LMBR1L: variants seen among roughly 807,000 people sequenced by gnomAD.
LMBR1L encodes protein LMBR1L.
LMBR1L carries 47 observed loss-of-function variants against 67.3 expected under a neutral mutation model. That is an observed-to-expected ratio of 0.70 (90% CI 0.55 to 0.89). The LOEUF is 0.89. Ranked by LOEUF, LMBR1L falls within the 40% of genes least tolerant of loss-of-function variation. The probability of loss-of-function intolerance (pLI) is 0.00; values close to 1 mark genes in which losing one functional copy is unlikely to be tolerated. For missense variants in LMBR1L, 533 were observed against 599.2 expected (o/e 0.89, Z 1.15); for synonymous variants, 247 against 250.3 (o/e 0.99, Z 0.13).
At chr12:49,101,893 GC>G in intron 11 of LMBR1L, 2 of 589,628 alleles carry the variant, frequency 3.4e-6, no homozygotes, top group Non-Finnish European at 3.0e-6. Context: ...CTCCTCACTG[GC>G]CCTGTGTCTT....
intron 15 of LMBR1L, among the ~76,000 whole-genome samples, chr12:49,100,006 C>G (rs1939927249): frequency 6.6e-6 from 1 of 152,174 alleles, no homozygotes; most frequent in African/African-American, 2.4e-5. Flanking sequence ...GACAAGGGTC[C>G]TAGACTGACT....
chr12:49,101,947 G>A (rs1310504353), intron 11 of LMBR1L, 173 bp downstream of exon 11: 3 of 613,434 alleles, frequency 4.9e-6, no homozygotes, highest in East Asian at 2.8e-5. Context: ...ACAAAATGGG[G>A]ATTGATGTGC....
At chr12:49,109,555 C>G (rs1211647720) in intron 1 of LMBR1L, among the ~76,000 whole-genome samples, 1 of 152,224 alleles carries the variant, frequency 6.6e-6, no homozygotes, top group Admixed American at 6.5e-5. Flanking sequence ...GATTCCCACA[C>G]TTACTAACAT....
chr12:49,102,827 T>C (rs1940380500), intron 8 of LMBR1L, 60 bp downstream of exon 8: 32 of 1,485,420 alleles, frequency 2.2e-5, no homozygotes, highest in Non-Finnish European at 3.0e-5. Flanking sequence ...TTTCATTGTT[T>C]GGTTCCAGCT....
chr12:49,103,558 C>T, intron 6 of LMBR1L, 129 bp downstream of exon 6: 1 of 1,145,092 alleles, frequency 8.7e-7, no homozygotes, highest in Non-Finnish European at 1.2e-6. Context: ...AGATGTCTAT[C>T]AGTTTGAAAC....
rs1565584440 is a variant in LMBR1L at position 49,100,429 on chromosome 12, A to G, written c.1199T>C (p.Leu400Pro). ...TQIIGNCVCL[L>P]VLSSALPVFS... ...GACAGGAAGTGCTGAGCTTAGGACCAGGAGACAGACACAGTTCCCAATTAT... is the reference window on the plus strand; with the variant it reads ...GACAGGAAGTGCTGAGCTTAGGACCGGGAGACAGACACAGTTCCCAATTAT... Residue 400 changes from leucine (L) to proline (P), a missense_variant, in exon 15 of 17, where the codon CTG (leucine) becomes CCG (proline). Around this residue, in one of 3 missense-constraint regions of LMBR1L, gnomAD observed 223 missense variants for 241.2 expected, o/e 0.92. Transcript: ENST00000267102. The G allele has an allele frequency of 1.9e-6, 3 of 1,614,102 alleles. No homozygotes were observed. The highest frequency in any genetic ancestry group is 3.3e-5 in the Admixed American group (2 of 60,030).
At chr12:49,101,824 T>C (rs920857874) in intron 11 of LMBR1L, 1 of 579,354 alleles carries the variant, frequency 1.7e-6, no homozygotes, top group Non-Finnish European at 3.1e-6. Context: ...ACTGAGTCCA[T>C]AGGGGAATCG....
intron 15 of LMBR1L, among the ~76,000 whole-genome samples, 176 bp from the exon 16 acceptor site, chr12:49,098,281 G>C (rs1034378218): frequency 6.6e-6 from 1 of 152,234 alleles, no homozygotes; most frequent in African/African-American, 2.4e-5. Context: ...CTAAGTGCCA[G>C]CAGCTAGGCT....
At chr12:49,097,920 G>A in intron 16 of LMBR1L, 24 bp downstream of exon 16, 1 of 1,603,930 alleles carries the variant, frequency 6.2e-7, no homozygotes, top group Non-Finnish European at 8.5e-7. Context: ...CCCCCCACTA[G>A]CCTGCACCCT....
chr12:49,109,364 A>G (rs1941284027), intron 1 of LMBR1L, among the ~76,000 whole-genome samples: 1 of 152,074 alleles, frequency 6.6e-6, no homozygotes, highest in African/African-American at 2.4e-5. Flanking sequence ...ACACACAAGG[A>G]AGGCTTGCCG....
In LMBR1L at chr12:49,110,719, G is replaced by C. The variant is rs933177963; in HGVS notation, c.-164C>G. The C allele has an allele frequency of 1.6e-6, 1 of 632,206 alleles. No individual in the cohort carries two copies. Among genetic ancestry groups the C allele is most frequent in the Non-Finnish European group, 2.8e-6 (1 of 353,024 alleles). 39.2% of individuals were successfully genotyped at this position (632,206 alleles called of 1,614,324 possible). A position where few individuals can be genotyped will look rare whatever the true frequency, so the allele number is the denominator to read the frequency against. On this transcript the variant is annotated 5_prime_UTR_variant, in exon 1 of 17. Transcript: ENST00000267102. ...GGGGCTCAGATACAGTCGTCCGGAC[G>C]CCCCGCCCTTAAAGGGGCAGGCACC...
At chr12:49,102,416 G>A (rs748093057) in intron 9 of LMBR1L, 40 bp from the exon 10 acceptor site, 1 of 1,613,700 alleles carries the variant, frequency 6.2e-7, no homozygotes, top group South Asian at 1.1e-5. Context: ...AAGTCCTGCA[G>A]TTTCTGCCCA....
intron 5 of LMBR1L, 31 bp downstream of exon 5, chr12:49,104,417 T>C (rs746624193): frequency 8.3e-6 from 12 of 1,448,062 alleles, no homozygotes; most frequent in Admixed American, 1.7e-5. Flanking sequence ...TGGAATTCCG[T>C]TTCCTGCCTG....
intron 5 of LMBR1L, 96 bp downstream of exon 5, chr12:49,104,352 C>T (rs1248989903): frequency 3.1e-6 from 3 of 952,632 alleles, no homozygotes; most frequent in Non-Finnish European, 5.0e-6. Context: ...CTTCCGTTAA[C>T]TAAACCTCTG....
At chr12:49,097,907 C>T in intron 16 of LMBR1L, 37 bp downstream of exon 16, 5 of 1,597,362 alleles carry the variant, frequency 3.1e-6, no homozygotes, top group Non-Finnish European at 4.3e-6. Flanking sequence ...TAGATGATTA[C>T]CACCCCCCAC....
intron 1 of LMBR1L, among the ~76,000 whole-genome samples, chr12:49,109,147 A>AT (rs1249330060): frequency 6.6e-6 from 1 of 152,182 alleles, no homozygotes; most frequent in African/African-American, 2.4e-5. Context: ...GGGAGGCACC[A>AT]TAAGTCTTCA....
At position 49,103,631 on chromosome 12, in the gene LMBR1L, G is replaced by C. The variant is rs142756552; in HGVS notation, c.562+56C>G. On this transcript the variant is annotated intron_variant, in intron 6 of 16. Coordinates refer to ENST00000267102, the MANE Select transcript of LMBR1L (RefSeq NM_018113.4). Reference sequence around the variant, plus strand: ...TAGAAGGTTACAGTCATTCCAGGCAGGGGGACATGGGCCAACTGAAAAGCC... The same window carrying C: ...TAGAAGGTTACAGTCATTCCAGGCACGGGGACATGGGCCAACTGAAAAGCC... 330 of 1,558,898 alleles carry C rather than the reference G, an allele frequency of 2.1e-4. 1 individual carries two copies. In the Admixed American group the frequency reaches 5.8e-3, roughly 27 times the overall value.
chr12:49,097,442 A>G lies in LMBR1L; in HGVS notation c.*230T>C, dbSNP rs1490590854. On this transcript the variant is annotated 3_prime_UTR_variant, in exon 17 of 17. Coordinates refer to ENST00000267102, the MANE Select transcript of LMBR1L (RefSeq NM_018113.4). ...AGATTTGGGATCAGGGGCTAGACCC[A>G]GTCACCCAGCCCTACCCCATGCTGA... 3.5e-6 allele frequency: 2 copies of G among 568,234 alleles called. No individual in the cohort carries two copies. Among genetic ancestry groups the G allele is most frequent in the African/African-American group, 1.9e-5 (1 of 53,344 alleles). The allele number at this position is 568,234 out of a possible 1,614,324, so 35.2% of individuals were successfully genotyped here.
chr12:49,108,035 T>TG (rs1314136432), intron 1 of LMBR1L, among the ~76,000 whole-genome samples: 2 of 150,726 alleles, frequency 1.3e-5, no homozygotes, highest in Non-Finnish European at 3.0e-5. Context: ...GAGGCCACAG[T>TG]GGGAGGATCA....
Sources: gnomAD v4.1 joint callset for allele counts (sites outside exome capture counted in the v4.1 genomes callset) on GRCh38, gnomAD v4.1.1 for gene constraint, gnomAD v4.1.1 regional missense constraint, MANE v1.5 for transcripts, NCBI Gene and HGNC (gene_info 2026-07-23, HGNC 2026-07-21) for gene names.